Variants in SCAI observed in about 807,000 individuals in gnomAD.
SCAI encodes suppressor of cancer cell invasion.
A neutral mutation model predicts 92.2 loss-of-function variants in SCAI; 24 were observed. That is an observed-to-expected ratio of 0.26 (90% confidence interval 0.19 to 0.37). SCAI has a LOEUF of 0.37. Among genes scored for constraint, SCAI ranks in the 10% least tolerant of loss-of-function variants. SCAI has a pLI of 1.00. For synonymous variants in SCAI, 261 were observed against 258.6 expected (o/e 1.01, Z -0.09); for missense variants, 450 against 736.2 (o/e 0.61, Z 4.50).
intron 2 of SCAI, among the ~76,000 whole-genome samples, chr9:125,062,830 G>A (rs1281328194): frequency 2.0e-5 from 3 of 150,692 alleles, no homozygotes; most frequent in Non-Finnish European, 4.4e-5. Context: ...GAACAGCCTG[G>A]CCAACATGGT....
Position 125,085,114 on chromosome 9 carries a change from T to C in SCAI, c.99-29107A>G, listed in dbSNP as rs1438089273. Among the ~76,000 whole-genome samples the C allele has an allele frequency of 2.6e-5, 4 of 152,348 alleles. No individual in the cohort carries two copies. The East Asian group carries it at 7.7e-4, about 29-fold the overall frequency. On this transcript the variant is annotated intron_variant, in intron 2 of 17. Transcript: ENST00000336505. ...AATTAAAAAGGCAAATGTAATTACA[T>C]TGTAATAAAAGTAGACTGTGTTTTT...
chr9:125,028,318 C>T, intron 5 of SCAI, 74 bp downstream of exon 5: 1 of 807,090 alleles, frequency 1.2e-6, no homozygotes, highest in Non-Finnish European at 2.0e-6. Context: ...AATGAGTATA[C>T]TATGTATGTA....
chr9:125,040,877 C>T (rs557922566), intron 3 of SCAI, among the ~76,000 whole-genome samples: 9 of 152,008 alleles, frequency 5.9e-5, no homozygotes, highest in Non-Finnish European at 8.8e-5. Context: ...TCAAGTGATC[C>T]GCCGTCTTGG....
intron 3 of SCAI, among the ~76,000 whole-genome samples, chr9:125,032,788 A>AT (rs903786839): frequency 2.7e-5 from 4 of 150,186 alleles, no homozygotes; most frequent in African/African-American, 4.9e-5. Flanking sequence ...TAATTTTTGT[A>AT]TTTTTTTAAG....
chr9:125,139,649 A>C (rs1238207620), intron 2 of SCAI, among the ~76,000 whole-genome samples: 2 of 152,208 alleles, frequency 1.3e-5, no homozygotes, highest in Non-Finnish European at 1.5e-5. Flanking sequence ...AGTAAAATAA[A>C]GGCAATTTTT....
chr9:125,004,692 T>G (rs1474942305), intron 9 of SCAI, among the ~76,000 whole-genome samples: 1 of 133,320 alleles, frequency 7.5e-6, no homozygotes, highest in African/African-American at 2.8e-5. Context: ...AAAAAAGAGC[T>G]AACTTTTGAT....
chr9:125,123,625 A>G (rs952604268), intron 2 of SCAI, among the ~76,000 whole-genome samples: 1 of 152,092 alleles, frequency 6.6e-6, no homozygotes, highest in Non-Finnish European at 1.5e-5. Flanking sequence ...AATACAAAAA[A>G]TTAGCCGGGC....
chr9:124,961,262 C>T (rs111380895), intron 17 of SCAI, among the ~76,000 whole-genome samples: 28 of 150,306 alleles, frequency 1.9e-4, no homozygotes, highest in African/African-American at 6.1e-4. Flanking sequence ...AGGAAGATCT[C>T]ATCTCATTAA....
At chr9:125,023,935 T>G (rs1201028667) in intron 6 of SCAI, among the ~76,000 whole-genome samples, 1 of 151,832 alleles carries the variant, frequency 6.6e-6, no homozygotes, top group East Asian at 2.0e-4. Flanking sequence ...ACCAACTGAC[T>G]CCATATCAAA....
chr9:125,073,595 A>G (rs1156820172), intron 2 of SCAI, among the ~76,000 whole-genome samples: 2 of 152,116 alleles, frequency 1.3e-5, no homozygotes, highest in Non-Finnish European at 2.9e-5. Flanking sequence ...GCATTTCTCT[A>G]ATGACAAGTG....
At chr9:125,141,338 A>T (rs1276507591) in intron 2 of SCAI, among the ~76,000 whole-genome samples, 2 of 152,198 alleles carry the variant, frequency 1.3e-5, no homozygotes, top group Non-Finnish European at 2.9e-5. Context: ...GTGTATTAAC[A>T]TCATTAACTT....
chr9:125,096,833 T>C (rs1324582075), intron 2 of SCAI, among the ~76,000 whole-genome samples: 1 of 152,216 alleles, frequency 6.6e-6, no homozygotes, highest in Non-Finnish European at 1.5e-5. Flanking sequence ...TAAACGAAAA[T>C]GAAATTATAT....
chr9:125,055,971 T>G lies in SCAI; in HGVS notation c.135A>C (p.Gly45=). ...CCTGTGGGATATCATCTTCAGCACC[T>G]CCAGAGGACATGATTTCTTTAAGAG... ...EFALKEIMSS[G]GAEDDIPQGE... Residue 45 remains glycine (G), a synonymous_variant, in exon 3 of 18, where the codon GGA becomes GGC. Transcript: ENST00000336505. 3 of 1,610,178 alleles carry G rather than the reference T, an allele frequency of 1.9e-6. No homozygotes were observed. Among genetic ancestry groups the G allele is most frequent in the Non-Finnish European group, 1.7e-6 (2 of 1,177,220 alleles).
intron 2 of SCAI, among the ~76,000 whole-genome samples, chr9:125,136,164 G>T (rs371836201): frequency 5.4e-5 from 8 of 148,626 alleles, no homozygotes; most frequent in African/African-American, 2.0e-4. Flanking sequence ...AGGCTGGAGT[G>T]CAGTGGTGCA....
At chr9:124,956,861 G>A (rs1320358063) in intron 17 of SCAI, among the ~76,000 whole-genome samples, 1 of 152,074 alleles carries the variant, frequency 6.6e-6, no homozygotes, top group African/African-American at 2.4e-5. Context: ...TGGAAAAAAA[G>A]AAGTAAAGCT....
At chr9:125,057,992 A>G (rs1385725595) in intron 2 of SCAI, among the ~76,000 whole-genome samples, 2 of 152,106 alleles carry the variant, frequency 1.3e-5, no homozygotes, top group Non-Finnish European at 2.9e-5. Flanking sequence ...TCAGATACTC[A>G]GGAGGCTGAG....
chr9:125,142,732 C>T lies in SCAI; in HGVS notation c.54-55G>A, dbSNP rs541045176. Reference sequence around the variant, plus strand: ...AAAAGTAACATACAAGAAAACATCTCCCGGCGCTACCGTGCCAGTCAAGAA... The same window carrying T: ...AAAAGTAACATACAAGAAAACATCTTCCGGCGCTACCGTGCCAGTCAAGAA... On this transcript the variant is annotated intron_variant, in intron 1 of 17. Transcript: ENST00000336505. The T allele has an allele frequency of 4.0e-6, 6 of 1,481,602 alleles. No homozygotes were observed. In the African/African-American group the frequency reaches 8.3e-5, roughly 21 times the overall value. 91.8% of individuals were successfully genotyped at this position (1,481,602 alleles called of 1,614,324 possible).
intron 14 of SCAI, among the ~76,000 whole-genome samples, chr9:124,984,500 A>G (rs1831948260): frequency 6.6e-6 from 1 of 152,202 alleles, no homozygotes; most frequent in African/African-American, 2.4e-5. Context: ...GATGAGGCAG[A>G]GGAGGTAATA....
chr9:125,112,853 A>G (rs1834959032), intron 2 of SCAI, among the ~76,000 whole-genome samples: 1 of 152,236 alleles, frequency 6.6e-6, no homozygotes, highest in Admixed American at 6.5e-5. Flanking sequence ...CAAAGCCATC[A>G]TGACAATGGT....
Sources: allele counts gnomAD v4.1 joint callset (sites outside exome capture counted in the v4.1 genomes callset), GRCh38; gene constraint gnomAD v4.1.1; transcripts MANE v1.5; gene names NCBI Gene and HGNC (gene_info 2026-07-23, HGNC 2026-07-21).